MPPED1: variants seen among roughly 807,000 people sequenced by gnomAD.
The protein encoded by MPPED1 is metallophosphoesterase domain containing 1, also known as metallophosphoesterase domain-containing protein 1.
MPPED1 carries 16 observed loss-of-function variants against 36.2 expected under a neutral mutation model. The observed-to-expected ratio is 0.44, with a 90% CI of 0.30 to 0.67. MPPED1 has a LOEUF of 0.67. Ranked by LOEUF, MPPED1 falls within the 30% of genes least tolerant of loss-of-function variation. The pLI, the probability that MPPED1 is intolerant of heterozygous loss-of-function variation, is 0.10. For synonymous variants in MPPED1, 199 were observed against 191.3 expected (o/e 1.04, Z -0.33); for missense variants, 307 against 453.4 (o/e 0.68, Z 2.93).
chr22:43,464,232 G>A (rs1278160955), intron 3 of MPPED1, among the ~76,000 whole-genome samples: 1 of 151,758 alleles, frequency 6.6e-6, no homozygotes, highest in Non-Finnish European at 1.5e-5. Flanking sequence ...TTTTCTCAGA[G>A]GCTTGATGAC....
chr22:43,429,727 G>T (rs766751442), intron 2 of MPPED1, among the ~76,000 whole-genome samples: 1 of 152,238 alleles, frequency 6.6e-6, no homozygotes, highest in African/African-American at 2.4e-5. Context: ...GGAATAGGAA[G>T]CAGGAAAGAG....
chr22:43,464,288 GCT>G (rs1264903529), intron 3 of MPPED1, among the ~76,000 whole-genome samples: 6 of 110,438 alleles, frequency 5.4e-5, no homozygotes, highest in Admixed American at 5.1e-4. Flanking sequence ...CTGTTGGTCA[GCT>G]CTGTGTGTGT....
chr22:43,440,163 C>G (rs1384385420), intron 3 of MPPED1, among the ~76,000 whole-genome samples: 1 of 152,372 alleles, frequency 6.6e-6, no homozygotes, highest in Middle Eastern at 3.4e-3. Context: ...ATGGTGACCC[C>G]AGCAGGGCAG....
chr22:43,485,130 G>A (rs1457163239), intron 4 of MPPED1, among the ~76,000 whole-genome samples: 1 of 151,814 alleles, frequency 6.6e-6, no homozygotes, highest in Non-Finnish European at 1.5e-5. Flanking sequence ...ACAATATCAT[G>A]TACACACAGA....
At chr22:43,418,049 C>T (rs749762561) in intron 1 of MPPED1, 1 of 456,264 alleles carries the variant, frequency 2.2e-6, no homozygotes, top group South Asian at 1.5e-5. Flanking sequence ...GGACCCAGGA[C>T]AGCACCATAT....
intron 2 of MPPED1, among the ~76,000 whole-genome samples, chr22:43,433,760 G>GAA (rs135072): frequency 2.0e-5 from 3 of 149,926 alleles, no homozygotes; most frequent in African/African-American, 7.3e-5. Context: ...TATATTGTCT[G>GAA]AAAAAAAAAA....
intron 4 of MPPED1, among the ~76,000 whole-genome samples, chr22:43,492,536 T>TGA (rs1048011034): frequency 1.3e-5 from 2 of 152,146 alleles, no homozygotes; most frequent in African/African-American, 4.8e-5. Context: ...TGGGGGTCCC[T>TGA]GAGAGAGCCC....
At chr22:43,497,120 ATGGACGTG>A (rs1932442071) in intron 4 of MPPED1, among the ~76,000 whole-genome samples, 1 of 110,336 alleles carries the variant, frequency 9.1e-6, no homozygotes, top group Non-Finnish European at 1.9e-5. Context: ...GGAGGTGGTG[ATGGACGTG>A]GTGGTGGTGG....
intron 3 of MPPED1, among the ~76,000 whole-genome samples, chr22:43,467,080 T>C (rs1242162237): frequency 3.9e-5 from 6 of 152,192 alleles, no homozygotes; most frequent in Non-Finnish European, 8.8e-5. Flanking sequence ...GCAAGAACTC[T>C]GTGGGGAAGC....
chr22:43,496,294 G>A (rs1602018407), intron 4 of MPPED1, among the ~76,000 whole-genome samples: 1 of 56,938 alleles, frequency 1.8e-5, no homozygotes, highest in Admixed American at 1.8e-4. Flanking sequence ...TGGTGGAGGT[G>A]GTGGTGGAGG....
intron 3 of MPPED1, among the ~76,000 whole-genome samples, chr22:43,463,084 A>T (rs1003083): frequency 0.28 from 43,138 of 151,720 alleles, 7,569 homozygotes; most frequent in East Asian, 0.54. Flanking sequence ...TTTTTTTTTC[A>T]GTGTCACTGT....
intron 3 of MPPED1, among the ~76,000 whole-genome samples, chr22:43,459,064 TTTC>T (rs1489952912): frequency 6.6e-6 from 1 of 152,124 alleles, no homozygotes; most frequent in African/African-American, 2.4e-5. Context: ...ATTGTTTCCT[TTTC>T]TTTTTTCTTT....
At chr22:43,420,408 ATTT>A (rs5845607) in intron 1 of MPPED1, among the ~76,000 whole-genome samples, 1 of 141,634 alleles carries the variant, frequency 7.1e-6, no homozygotes, top group Non-Finnish European at 1.5e-5. Context: ...TCAGATAGAC[ATTT>A]TTTTTTTTTT....
At chr22:43,432,965 A>C (rs1352604639) in intron 2 of MPPED1, among the ~76,000 whole-genome samples, 1 of 151,430 alleles carries the variant, frequency 6.6e-6, no homozygotes, top group Non-Finnish European at 1.5e-5. Flanking sequence ...AGAGAGAGGG[A>C]GAGAATATGA....
At chr22:43,499,518 TGGTGGTGATGGA>T (rs1932554969) in intron 5 of MPPED1, among the ~76,000 whole-genome samples, 1 of 123,810 alleles carries the variant, frequency 8.1e-6, no homozygotes, top group South Asian at 3.0e-4. Context: ...GAGGTGATGG[TGGTGGTGATGGA>T]GGTGGTGGTG....
intron 6 of MPPED1, 139 bp from the exon 7 acceptor site, chr22:43,505,359 G>A: frequency 1.6e-6 from 1 of 640,016 alleles, no homozygotes; most frequent in Non-Finnish European, 2.8e-6. Flanking sequence ...TACAGATGAA[G>A]GGACTGACCT....
intron 4 of MPPED1, among the ~76,000 whole-genome samples, chr22:43,490,239 A>T (rs1257680728): frequency 2.6e-5 from 4 of 152,198 alleles, no homozygotes; most frequent in Non-Finnish European, 4.4e-5. Context: ...AGATGTTCTC[A>T]TGGCTCCCCA....
chr22:43,456,275 G>A (rs976652320), intron 3 of MPPED1, among the ~76,000 whole-genome samples: 3 of 152,140 alleles, frequency 2.0e-5, no homozygotes, highest in Admixed American at 6.6e-5. Flanking sequence ...GTTAGCTGTG[G>A]GATTTGTAAT....
chr22:43,463,225 C>T (rs898790861), intron 3 of MPPED1, among the ~76,000 whole-genome samples: 5 of 151,890 alleles, frequency 3.3e-5, no homozygotes, highest in South Asian at 2.1e-4. Flanking sequence ...AAAATTTTGT[C>T]CTTTAATTCA....
Sources: gnomAD v4.1 joint callset for allele counts (sites outside exome capture counted in the v4.1 genomes callset) on GRCh38, gnomAD v4.1.1 for gene constraint, MANE v1.5 for transcripts, NCBI Gene and HGNC (gene_info 2026-07-23, HGNC 2026-07-21) for gene names.